HPSE2: variants seen among roughly 807,000 people sequenced by gnomAD.
The protein encoded by HPSE2 is inactive heparanase-2.
Under a neutral mutation model 60.5 loss-of-function variants are expected in HPSE2, and 38 were observed. That is an observed-to-expected ratio of 0.63 (90% confidence interval 0.48 to 0.82). The LOEUF is 0.82. HPSE2 is among the 40% of genes least tolerant of loss of function. The pLI, the probability that HPSE2 is intolerant of heterozygous loss-of-function variation, is 0.00. For synonymous variants in HPSE2, 295 were observed against 293.2 expected (o/e 1.01, Z -0.06); for missense variants, 713 against 740.4 (o/e 0.96, Z 0.43).
At chr10:99,058,583 G>C (rs1023618420) in intron 3 of HPSE2, among the ~76,000 whole-genome samples, 2 of 152,078 alleles carry the variant, frequency 1.3e-5, no homozygotes, top group African/African-American at 4.8e-5. Context: ...ACTTCGTTTA[G>C]GTATTGCCAA....
At chr10:98,790,322 A>C (rs1188780895) in intron 3 of HPSE2, among the ~76,000 whole-genome samples, 1 of 152,224 alleles carries the variant, frequency 6.6e-6, no homozygotes, top group Non-Finnish European at 1.5e-5. Context: ...GCCAATTTCA[A>C]TTCCTTTGGA....
At chr10:98,944,813 C>T (rs539987157) in intron 3 of HPSE2, among the ~76,000 whole-genome samples, 1 of 152,114 alleles carries the variant, frequency 6.6e-6, no homozygotes, top group African/African-American at 2.4e-5. Flanking sequence ...CCATCCTTGA[C>T]CTTTTTAAGT....
chr10:99,281,324 T>C, the HPSE2 span, among the ~76,000 whole-genome samples: 1 of 142,464 alleles, frequency 7.0e-6, no homozygotes, highest in Non-Finnish European at 1.5e-5. Context: ...ACTATTTTTA[T>C]AATTACTATA....
intron 5 of HPSE2, among the ~76,000 whole-genome samples, chr10:98,702,134 C>T (rs1250592545): frequency 1.3e-5 from 2 of 151,866 alleles, no homozygotes; most frequent in Non-Finnish European, 2.9e-5. Context: ...AAATGGAACA[C>T]TCACACAAAA....
Position 99,142,713 on chromosome 10 carries a change from T to C in HPSE2, c.610+1525A>G, listed in dbSNP as rs551800657. Among the ~76,000 whole-genome samples, 53 of 152,332 alleles carry C rather than the reference T, an allele frequency of 3.5e-4. 1 individual carries two copies. The highest frequency in any genetic ancestry group is 1.1e-3 in the African/African-American group (47 of 41,576). ...TGCGAATAAACATCCAAAGGGATTA[T>C]GTTACTGAGAATTAGAAAAGATTCC... On this transcript the variant is annotated intron_variant, in intron 3 of 11. Transcript: ENST00000370552.
At chr10:99,094,090 C>T (rs141191249) in intron 3 of HPSE2, among the ~76,000 whole-genome samples, 2,132 of 152,168 alleles carry the variant, frequency 0.014, 15 homozygotes, top group Middle Eastern at 0.027. Flanking sequence ...TAATATTTTG[C>T]TACCATTATT....
the HPSE2 span, among the ~76,000 whole-genome samples, chr10:99,283,945 T>C: frequency 6.6e-6 from 1 of 152,066 alleles, no homozygotes; most frequent in Non-Finnish European, 1.5e-5. Flanking sequence ...GTTCTACCAA[T>C]TCTGCCATTT....
intron 3 of HPSE2, among the ~76,000 whole-genome samples, chr10:98,949,250 GCACACACACA>G (rs35314282): frequency 8.6e-5 from 13 of 150,860 alleles, no homozygotes; most frequent in African/African-American, 3.2e-4. Flanking sequence ...ACGCATGCGT[GCACACACACA>G]CACACACACA....
chr10:98,846,899 TC>T lies in HPSE2; in HGVS notation c.611-102844del, dbSNP rs754108595. ...GACACATTGTTTCCAATGACAGAGT[TC>T]ACACTTAAAGTCCAGGAGACAAATT... is the stretch of plus-strand genomic sequence containing the variant. On this transcript the variant is annotated intron_variant, in intron 3 of 11. Coordinates refer to ENST00000370552, the MANE Select transcript of HPSE2 (RefSeq NM_021828.5). Among the ~76,000 whole-genome samples, 6 of 152,260 alleles carry T rather than the reference TC, an allele frequency of 3.9e-5. 1 individual carries two copies. The East Asian group carries it at 7.7e-4, about 20-fold the overall frequency.
chr10:99,037,639 A>G (rs970745257), intron 3 of HPSE2, among the ~76,000 whole-genome samples: 4 of 152,138 alleles, frequency 2.6e-5, no homozygotes, highest in African/African-American at 9.6e-5. Context: ...AAGGAATAAG[A>G]GTAAAGTACA....
At chr10:98,585,130 G>A (rs868198140) in intron 9 of HPSE2, among the ~76,000 whole-genome samples, 1 of 152,158 alleles carries the variant, frequency 6.6e-6, no homozygotes. Context: ...GGGTTGTATG[G>A]CTAAGCCATG....
Position 98,554,632 on chromosome 10 carries a change from G to A in HPSE2, c.1320+60272C>T, listed in dbSNP as rs150368603. 4.0e-3 allele frequency among the ~76,000 whole-genome samples: 610 copies of A among 152,284 alleles called. 8 individuals carry two copies. Among genetic ancestry groups the A allele is most frequent in the African/African-American group, 0.014 (574 of 41,552 alleles). On this transcript the variant is annotated intron_variant, in intron 9 of 11. Coordinates refer to ENST00000370552, the MANE Select transcript of HPSE2 (RefSeq NM_021828.5). ...CAAAGGTAGAGAGATTGTTTACAAT[G>A]ATGCAAGTATTATAAAAGTAAGTAA... is the stretch of plus-strand genomic sequence containing the variant.
the HPSE2 span, among the ~76,000 whole-genome samples, chr10:99,272,601 G>T: frequency 6.6e-6 from 1 of 151,878 alleles, no homozygotes; most frequent in East Asian, 1.9e-4. Context: ...CCATCAAAAA[G>T]TAGACTAAGG....
chr10:98,866,697 G>C (rs193204722), intron 3 of HPSE2, among the ~76,000 whole-genome samples: 1 of 151,908 alleles, frequency 6.6e-6, no homozygotes, highest in Admixed American at 6.6e-5. Context: ...GAGACAACAG[G>C]AGCAACATAT....
chr10:98,516,309 C>T lies in HPSE2; in HGVS notation c.1321-26113G>A, dbSNP rs188727202. On this transcript the variant is annotated intron_variant, in intron 9 of 11. Coordinates refer to ENST00000370552, the MANE Select transcript of HPSE2 (RefSeq NM_021828.5). ...AAGTGACACAGTTGCAGCCTCAGCACCCAGCACAGGGTCTAAGTATGTATT... is the reference window on the plus strand; with the variant it reads ...AAGTGACACAGTTGCAGCCTCAGCATCCAGCACAGGGTCTAAGTATGTATT... Among the ~76,000 whole-genome samples the T allele has an allele frequency of 4.6e-5, 7 of 152,288 alleles. No homozygotes were observed. The East Asian group carries it at 1.3e-3, about 29-fold the overall frequency.
chr10:98,516,754 C>A (rs1942615582), intron 9 of HPSE2, among the ~76,000 whole-genome samples: 2 of 152,138 alleles, frequency 1.3e-5, no homozygotes, highest in African/African-American at 4.8e-5. Flanking sequence ...CTTGGAATAC[C>A]TGAACAGAGC....
chr10:98,466,030 C>T (rs1734715874), intron 11 of HPSE2, among the ~76,000 whole-genome samples: 1 of 152,214 alleles, frequency 6.6e-6, no homozygotes, highest in African/African-American at 2.4e-5. Flanking sequence ...CACTCCCCCG[C>T]TACCCTCCGC....
At chr10:99,208,318 C>CA (rs1201395938) in intron 2 of HPSE2, among the ~76,000 whole-genome samples, 3 of 152,034 alleles carry the variant, frequency 2.0e-5, no homozygotes, top group Non-Finnish European at 2.9e-5. Flanking sequence ...AAAACATTAA[C>CA]AAAATCACAA....
At chr10:99,312,239 A>T in the HPSE2 span, among the ~76,000 whole-genome samples, 1 of 152,208 alleles carries the variant, frequency 6.6e-6, no homozygotes, top group Non-Finnish European at 1.5e-5. Context: ...TAATCGACAG[A>T]TTTTCAGTGT....
Sources: allele counts gnomAD v4.1 joint callset (sites outside exome capture counted in the v4.1 genomes callset), GRCh38; gene constraint gnomAD v4.1.1; transcripts MANE v1.5; gene names NCBI Gene and HGNC (gene_info 2026-07-23, HGNC 2026-07-21).